The following ENOX1 variants were observed in gnomAD, a reference collection of about 807,000 sequenced individuals.
ENOX1 encodes the protein ecto-NOX disulfide-thiol exchanger 1.
ENOX1 carries 42 observed loss-of-function variants against 82.5 expected under a neutral mutation model. The ratio of observed to expected loss-of-function variants is 0.51; its 90% CI spans 0.40 to 0.66. ENOX1 has a LOEUF of 0.66. Among genes scored for constraint, ENOX1 ranks in the 30% least tolerant of loss-of-function variants. ENOX1 has a pLI of 0.00. For synonymous variants in ENOX1, 271 were observed against 282.2 expected (o/e 0.96, Z 0.40); for missense variants, 608 against 811.6 (o/e 0.75, Z 3.05).
intron 1 of ENOX1, among the ~76,000 whole-genome samples, chr13:43,771,933 A>ATTTTTTTTTTTTTTTTTTTT (rs34718451): frequency 2.0e-5 from 2 of 101,002 alleles, no homozygotes; most frequent in Non-Finnish European, 3.7e-5. Flanking sequence ...CGCCCGGCTA[A>ATTTTTTTTTTTTTTTTTTTT]TTTTTTTTTT....
At chr13:43,408,936 TA>T (rs2053957382) in intron 5 of ENOX1, among the ~76,000 whole-genome samples, 1 of 138,204 alleles carries the variant, frequency 7.2e-6, no homozygotes, top group Non-Finnish European at 1.6e-5. Flanking sequence ...ATAAAAACCA[TA>T]AAAAAGAACC....
chr13:43,709,705 G>T (rs1444290693), intron 1 of ENOX1, among the ~76,000 whole-genome samples: 1 of 152,030 alleles, frequency 6.6e-6, no homozygotes, highest in African/African-American at 2.4e-5. Context: ...AGATAAAAAG[G>T]TAGAAGTTGC....
intron 14 of ENOX1, among the ~76,000 whole-genome samples, chr13:43,255,309 C>G (rs968562193): frequency 4.6e-5 from 7 of 151,940 alleles, no homozygotes; most frequent in Admixed American, 3.9e-4. Context: ...TAATAATGAC[C>G]ATATATGACA....
At chr13:43,629,457 A>G (rs1023489314) in intron 2 of ENOX1, among the ~76,000 whole-genome samples, 1 of 152,190 alleles carries the variant, frequency 6.6e-6, no homozygotes, top group Admixed American at 6.5e-5. Context: ...TCTGGGTCTC[A>G]TGTCCTTAAC....
intron 8 of ENOX1, among the ~76,000 whole-genome samples, chr13:43,349,452 C>T (rs1385016693): frequency 1.3e-5 from 2 of 152,214 alleles, no homozygotes; most frequent in South Asian, 2.1e-4. Context: ...CTGGAATCCA[C>T]GCCCATCTCA....
At chr13:43,445,835 G>A (rs116517032) in intron 3 of ENOX1, among the ~76,000 whole-genome samples, 16 of 152,268 alleles carry the variant, frequency 1.1e-4, no homozygotes, top group African/African-American at 3.6e-4. Context: ...AGAGATTCTG[G>A]GTGTGACGCA....
intron 9 of ENOX1, among the ~76,000 whole-genome samples, chr13:43,340,494 C>A (rs2048989125): frequency 6.6e-6 from 1 of 152,116 alleles, no homozygotes; most frequent in Admixed American, 6.5e-5. Context: ...AAGGGGGACT[C>A]CCAAATAGTA....
chr13:43,700,359 A>G (rs1219419718), intron 1 of ENOX1, among the ~76,000 whole-genome samples: 1 of 152,110 alleles, frequency 6.6e-6, no homozygotes, highest in African/African-American at 2.4e-5. Flanking sequence ...GCTGGGACCA[A>G]ATTTATTTCT....
intron 15 of ENOX1, among the ~76,000 whole-genome samples, chr13:43,226,772 CT>C (rs2042045379): frequency 6.6e-6 from 1 of 152,182 alleles, no homozygotes; most frequent in South Asian, 2.1e-4. Context: ...TCCTCCTCCC[CT>C]GCAGGGTTCT....
intron 2 of ENOX1, among the ~76,000 whole-genome samples, chr13:43,624,853 G>A (rs1323155329): frequency 6.6e-6 from 1 of 151,844 alleles, no homozygotes; most frequent in East Asian, 1.9e-4. Flanking sequence ...TTTAAAAATT[G>A]TTCAAAATAT....
chr13:43,235,951 C>T (rs1267357897), intron 15 of ENOX1, among the ~76,000 whole-genome samples: 1 of 152,148 alleles, frequency 6.6e-6, no homozygotes, highest in Non-Finnish European at 1.5e-5. Flanking sequence ...TTCCCTTCCT[C>T]TGAATTTGAG....
intron 8 of ENOX1, among the ~76,000 whole-genome samples, chr13:43,345,940 A>T (rs980739553): frequency 1.6e-4 from 24 of 152,168 alleles, no homozygotes; most frequent in Admixed American, 2.0e-4. Context: ...CATCGGAGAC[A>T]TCCTTATGTT....
At chr13:43,589,159 C>T (rs1321081596) in intron 2 of ENOX1, among the ~76,000 whole-genome samples, 1 of 146,374 alleles carries the variant, frequency 6.8e-6, no homozygotes, top group East Asian at 2.1e-4. Context: ...TGAAGTTGGG[C>T]CTTCCATGCA....
At chr13:43,549,344 A>G (rs1056748662) in intron 2 of ENOX1, among the ~76,000 whole-genome samples, 2 of 152,224 alleles carry the variant, frequency 1.3e-5, no homozygotes, top group South Asian at 4.1e-4. Flanking sequence ...TGAGAAATGC[A>G]TTTTTACCTA....
At chr13:43,487,860 T>G (rs2076483922) in intron 2 of ENOX1, among the ~76,000 whole-genome samples, 1 of 152,210 alleles carries the variant, frequency 6.6e-6, no homozygotes, top group Non-Finnish European at 1.5e-5. Context: ...AAGCAAAGGC[T>G]GTTTGATTTG....
intron 2 of ENOX1, among the ~76,000 whole-genome samples, chr13:43,577,775 T>C (rs1234597563): frequency 6.6e-6 from 1 of 152,150 alleles, no homozygotes; most frequent in African/African-American, 2.4e-5. Flanking sequence ...AGGAGGAATA[T>C]TGCAGACAGA....
chr13:43,401,262 G>A (rs2053480151), intron 5 of ENOX1, among the ~76,000 whole-genome samples: 1 of 152,074 alleles, frequency 6.6e-6, no homozygotes, highest in Non-Finnish European at 1.5e-5. Flanking sequence ...CCACCAGAAA[G>A]TAACAAGGAT....
At chr13:43,739,436 C>G (rs530553361) in intron 1 of ENOX1, among the ~76,000 whole-genome samples, 2 of 151,984 alleles carry the variant, frequency 1.3e-5, no homozygotes, top group Non-Finnish European at 2.9e-5. Context: ...GTAGTCCCAG[C>G]TACTTGGGAG....
chr13:43,333,209 A>G (rs898614410), intron 9 of ENOX1, among the ~76,000 whole-genome samples: 3 of 152,206 alleles, frequency 2.0e-5, no homozygotes, highest in African/African-American at 7.2e-5. Context: ...TAGAAAGGCT[A>G]GATAAAAGAG....
Sources: gnomAD v4.1 joint callset for allele counts (sites outside exome capture counted in the v4.1 genomes callset) on GRCh38, gnomAD v4.1.1 for gene constraint, MANE v1.5 for transcripts, NCBI Gene and HGNC (gene_info 2026-07-23, HGNC 2026-07-21) for gene names.